Variants in PTPRN2 observed in about 807,000 individuals in gnomAD.
PTPRN2 encodes the protein protein tyrosine phosphatase receptor type N2.
PTPRN2 carries 74 observed loss-of-function variants against 118.8 expected under a neutral mutation model. That is an observed-to-expected ratio of 0.62 (90% CI 0.52 to 0.76). PTPRN2 has a LOEUF of 0.76. PTPRN2 is among the 30% of genes least tolerant of loss of function. The pLI is 0.00. For missense variants in PTPRN2, 1,481 were observed against 1,394.4 expected, an observed-to-expected ratio of 1.06 and a Z score of -0.99; for synonymous variants, 641 against 608.0, an observed-to-expected ratio of 1.05 and a Z score of -0.80.
chr7:158,284,658 C>T (rs874599), intron 3 of PTPRN2, among the ~76,000 whole-genome samples: 1 of 151,928 alleles, frequency 6.6e-6, no homozygotes, highest in East Asian at 1.9e-4. Flanking sequence ...GTACGGACTC[C>T]GCTTATTCCT....
At chr7:158,395,225 G>A (rs1812255494) in intron 2 of PTPRN2, among the ~76,000 whole-genome samples, 1 of 150,944 alleles carries the variant, frequency 6.6e-6, no homozygotes, top group Non-Finnish European at 1.5e-5. Flanking sequence ...GCACGCAGGC[G>A]CGGTCTCGAC....
intron 2 of PTPRN2, among the ~76,000 whole-genome samples, chr7:158,387,363 G>A (rs1042499689): frequency 6.6e-5 from 10 of 152,272 alleles, no homozygotes; most frequent in Non-Finnish European, 1.5e-4. Context: ...GGGCTGAGGT[G>A]GGGCCAGGAC....
Position 158,167,267 on chromosome 7 carries a change from T to C in PTPRN2, c.574A>G (p.Ile192Val), listed in dbSNP as rs764204429. 3.7e-6 allele frequency: 6 copies of C among 1,607,370 alleles called. No individual in the cohort carries two copies. The highest frequency in any genetic ancestry group is 5.1e-6 in the Non-Finnish European group (6 of 1,176,604). The change falls in exon 6 of 23, where the codon ATC becomes GTC. Residue 192 changes from isoleucine to valine, a missense_variant. By Grantham distance (29) the Ile-to-Val change is conservative (BLOSUM62 3). This residue lies in a region of PTPRN2 where 1,115 missense variants were observed against 994.2 expected (regional missense o/e 1.12). Coordinates refer to ENST00000389418, the MANE Select transcript of PTPRN2 (RefSeq NM_002847.5). ...AEGDDRFSES[I>V]LTYVAHTSAL... ...GACGTGTGGGCCACATAGGTCAGGA[T>C]GCTCTCGGAGAAGCGGTCATCACCC...
chr7:158,472,809 A>T (rs533320515), intron 2 of PTPRN2, among the ~76,000 whole-genome samples: 1 of 152,338 alleles, frequency 6.6e-6, no homozygotes, highest in South Asian at 2.1e-4. Context: ...CTGGCCGTCC[A>T]CATTTCCTCC....
At chr7:158,263,026 CAT>C (rs917442473) in intron 3 of PTPRN2, among the ~76,000 whole-genome samples, 6 of 117,450 alleles carry the variant, frequency 5.1e-5, no homozygotes, top group East Asian at 2.6e-4. Context: ...ACAGTGCACA[CAT>C]ACATATTCAC....
In PTPRN2 at chr7:157,881,288, A is replaced by G. The variant is rs77120118; in HGVS notation, c.1788+17385T>C. ...TGGGGGTGTTTACAGGAGTCATTAC[A>G]GTAAAATGTGGTCATCAGGGTGAGC... On this transcript the variant is annotated intron_variant, in intron 12 of 22. Coordinates refer to ENST00000389418, the MANE Select transcript of PTPRN2 (RefSeq NM_002847.5). This position sits in a 1 kb window ranked among gnomAD's most constrained non-coding sequence, Gnocchi z 4.7. Among the ~76,000 whole-genome samples, 5,990 of 146,748 alleles carry G rather than the reference A, an allele frequency of 0.041. 171 individuals are homozygous for G. Among genetic ancestry groups the G allele is most frequent in the Middle Eastern group, 0.076 (22 of 290 alleles).
At chr7:158,095,582 T>A (rs1455038750) in intron 10 of PTPRN2, among the ~76,000 whole-genome samples, 1 of 152,270 alleles carries the variant, frequency 6.6e-6, no homozygotes, top group South Asian at 2.1e-4. Context: ...CAAACCCATG[T>A]GCCTTTGAAT....
Position 157,780,511 on chromosome 7 carries a change from C to G in PTPRN2, c.1789-97574G>C, listed in dbSNP as rs556024607. On this transcript the variant is annotated intron_variant, in intron 12 of 22. Coordinates refer to ENST00000389418, the MANE Select transcript of PTPRN2 (RefSeq NM_002847.5). The surrounding 1 kb of genome is among the most constrained non-coding windows in gnomAD (Gnocchi z 4.5). ...AGTTCGCTTGTCCCCACAGGCAGCT[C>G]GACATGGTGCAGACCGTGGCAGCCA... is the stretch of plus-strand genomic sequence containing the variant. Among the ~76,000 whole-genome samples, 1 of 152,186 alleles carries G rather than the reference C, an allele frequency of 6.6e-6. No homozygotes were observed. Among genetic ancestry groups the G allele is most frequent in the Non-Finnish European group, 1.5e-5 (1 of 68,030 alleles).
chr7:157,789,017 C>T (rs1469626218), intron 12 of PTPRN2, among the ~76,000 whole-genome samples: 1 of 152,246 alleles, frequency 6.6e-6, no homozygotes, highest in African/African-American at 2.4e-5. Flanking sequence ...GTCACCGTAA[C>T]AGTCACTACA....
At chr7:158,552,223 A>C (rs1306805163) in intron 1 of PTPRN2, among the ~76,000 whole-genome samples, 1 of 151,000 alleles carries the variant, frequency 6.6e-6, no homozygotes, top group Non-Finnish European at 1.5e-5. Flanking sequence ...TAATGCATGC[A>C]TTTGGGGGGC....
intron 12 of PTPRN2, among the ~76,000 whole-genome samples, chr7:157,895,056 C>A (rs1041197937): frequency 2.0e-5 from 3 of 151,822 alleles, no homozygotes; most frequent in African/African-American, 7.3e-5. Context: ...ACCCCTCCCC[C>A]ACAGGAGGGG....
intron 13 of PTPRN2, among the ~76,000 whole-genome samples, chr7:157,663,063 C>A (rs1795971993): frequency 6.6e-6 from 1 of 152,006 alleles, no homozygotes. Context: ...CTCAGGACAT[C>A]CACAAAGCAT....
chr7:157,729,407 G>C lies in PTPRN2; in HGVS notation c.1789-46470C>G, dbSNP rs556509932. Among the ~76,000 whole-genome samples, 25 of 152,212 alleles carry C rather than the reference G, an allele frequency of 1.6e-4. No individual in the cohort carries two copies. Among genetic ancestry groups the C allele is most frequent in the Middle Eastern group, 3.4e-3 (1 of 294 alleles). On this transcript the variant is annotated intron_variant, in intron 12 of 22. Coordinates refer to ENST00000389418, the MANE Select transcript of PTPRN2 (RefSeq NM_002847.5). The surrounding 1 kb of genome is among the most constrained non-coding windows in gnomAD (Gnocchi z 4.3). ...CCGGACCCCCCACTCTGCTCCCGTGGACAGCTCCATCTTCAGCAGCTCCGT... is the reference window on the plus strand; with the variant it reads ...CCGGACCCCCCACTCTGCTCCCGTGCACAGCTCCATCTTCAGCAGCTCCGT...
intron 3 of PTPRN2, 67 bp downstream of exon 3, chr7:158,316,752 G>C: frequency 1.6e-6 from 2 of 1,212,644 alleles, no homozygotes; most frequent in Non-Finnish European, 2.3e-6. Context: ...CCGCCCAGGA[G>C]GAGAAGCCAA....
intron 3 of PTPRN2, among the ~76,000 whole-genome samples, chr7:158,293,491 G>A (rs1015036957): frequency 2.0e-5 from 3 of 151,486 alleles, no homozygotes; most frequent in African/African-American, 2.4e-5. Flanking sequence ...CAGGAGAATC[G>A]TTCAAACCTA....
intron 17 of PTPRN2, among the ~76,000 whole-genome samples, chr7:157,588,272 C>T (rs1036963690): frequency 6.6e-6 from 1 of 152,298 alleles, no homozygotes; most frequent in African/African-American, 2.4e-5. Flanking sequence ...GGGGGGATGG[C>T]GGGTGGCCAA....
chr7:158,316,478 T>C (rs1802331364), intron 3 of PTPRN2, among the ~76,000 whole-genome samples: 1 of 152,130 alleles, frequency 6.6e-6, no homozygotes, highest in South Asian at 2.1e-4. Context: ...AGAGGCTGAT[T>C]CTCTCCAGGC....
intron 10 of PTPRN2, among the ~76,000 whole-genome samples, chr7:158,089,352 A>G (rs59481453): frequency 1.9e-4 from 7 of 36,144 alleles, no homozygotes; most frequent in African/African-American, 3.6e-4. Context: ...CTGATGAAAG[A>G]GGGAGTCTTC....
At chr7:158,259,729 G>A (rs1241322814) in intron 3 of PTPRN2, among the ~76,000 whole-genome samples, 3 of 148,562 alleles carry the variant, frequency 2.0e-5, no homozygotes, top group Non-Finnish European at 4.5e-5. Flanking sequence ...ATGTGTGTTT[G>A]TGTGTCCATG....
Sources: allele counts gnomAD v4.1 joint callset (sites outside exome capture counted in the v4.1 genomes callset), GRCh38; gene constraint gnomAD v4.1.1; regional missense constraint gnomAD v4.1.1; non-coding constraint Gnocchi (gnomAD v3.1); transcripts MANE v1.5; gene names NCBI Gene and HGNC (gene_info 2026-07-23, HGNC 2026-07-21).